The following IFT88 variants were observed in gnomAD, a reference collection of about 807,000 sequenced individuals.
IFT88 encodes the protein intraflagellar transport protein 88 homolog.
Under a neutral mutation model 119.5 loss-of-function variants are expected in IFT88, and 74 were observed. The ratio of observed to expected loss-of-function variants is 0.62; its 90% CI spans 0.51 to 0.75. The LOEUF (loss-of-function observed/expected upper bound fraction) is 0.75, where lower values mean the gene tolerates loss of function less well. IFT88 is among the 30% of genes least tolerant of loss of function. The probability of loss-of-function intolerance (pLI) is 0.00; values close to 1 mark genes in which losing one functional copy is unlikely to be tolerated. For missense variants in IFT88, 961 were observed against 977.7 expected (o/e 0.98, Z 0.23); for synonymous variants, 279 against 316.7 (o/e 0.88, Z 1.26).
intron 13 of IFT88, among the ~76,000 whole-genome samples, chr13:20,610,960 G>A (rs1204613653): frequency 1.3e-5 from 2 of 151,618 alleles, no homozygotes; most frequent in African/African-American, 4.8e-5. Context: ...GCAACATGGT[G>A]AAGCCCTGGC....
At chr13:20,678,616 A>G (rs2056971195) in intron 24 of IFT88, among the ~76,000 whole-genome samples, 1 of 152,228 alleles carries the variant, frequency 6.6e-6, no homozygotes, top group Admixed American at 6.5e-5. Context: ...GCCCTGCTCC[A>G]GTAAACCAAC....
At chr13:20,628,925 T>A (rs1393162285) in intron 15 of IFT88, among the ~76,000 whole-genome samples, 4 of 152,176 alleles carry the variant, frequency 2.6e-5, no homozygotes, top group Non-Finnish European at 5.9e-5. Flanking sequence ...AATTTAAAAA[T>A]TTAACACATT....
At chr13:20,626,509 G>A (rs1334294422) in intron 15 of IFT88, among the ~76,000 whole-genome samples, 6 of 152,210 alleles carry the variant, frequency 3.9e-5, no homozygotes, top group Admixed American at 6.5e-5. Context: ...GTGCTAGGGA[G>A]CATGGGAAGC....
intron 3 of IFT88, among the ~76,000 whole-genome samples, chr13:20,583,308 GTC>G (rs1473809797): frequency 6.6e-6 from 1 of 152,122 alleles, no homozygotes; most frequent in Non-Finnish European, 1.5e-5. Context: ...CATAAGTGGA[GTC>G]TCAGAGTATT....
chr13:20,607,378 C>A, intron 13 of IFT88: 1 of 595,522 alleles, frequency 1.7e-6, no homozygotes. Flanking sequence ...CCATTAAGGC[C>A]ACCATGCCCA....
At chr13:20,613,951 A>ACGGAAAG in intron 13 of IFT88, among the ~76,000 whole-genome samples, 1 of 152,076 alleles carries the variant, frequency 6.6e-6, no homozygotes, top group Non-Finnish European at 1.5e-5. Context: ...ATCTATAAAG[A>ACGGAAAG]TTTGCCAGGG....
chr13:20,649,177 A>G (rs1594623463), intron 20 of IFT88, among the ~76,000 whole-genome samples: 2 of 152,346 alleles, frequency 1.3e-5, no homozygotes, highest in East Asian at 1.9e-4. Context: ...CCTAACAGTC[A>G]TACACAAGAC....
At chr13:20,597,754 A>AAAATAT (rs1446969137) in intron 9 of IFT88, among the ~76,000 whole-genome samples, 15,045 of 141,364 alleles carry the variant, frequency 0.11, 915 homozygotes, top group African/African-American at 0.13. Flanking sequence ...TCAAAAAAAA[A>AAAATAT]ATATATATAT....
intron 7 of IFT88, among the ~76,000 whole-genome samples, chr13:20,592,689 C>T (rs186549698): frequency 4.5e-4 from 68 of 152,144 alleles, no homozygotes; most frequent in African/African-American, 1.5e-3. Context: ...AGGCTGGTCT[C>T]GAACTCCCAA....
Position 20,691,371 on chromosome 13 carries a change from A to G in IFT88, c.*196A>G. 2.2e-6 allele frequency: 1 copy of G among 448,910 alleles called. No individual in the cohort carries two copies. The highest frequency in any genetic ancestry group is 3.9e-6 in the Non-Finnish European group (1 of 257,806). The allele number at this position is 448,910 out of a possible 1,614,324, so 27.8% of individuals were successfully genotyped here. ...TAAAAACAGGTAAAACTAATACTTT[A>G]GGCCAGTGACTTCCTTAGCTTTTTG... On this transcript the variant is annotated 3_prime_UTR_variant, in exon 26 of 26. Coordinates refer to ENST00000351808, the MANE Select transcript of IFT88 (RefSeq NM_006531.5).
chr13:20,667,869 C>T (rs1463092565), intron 23 of IFT88, among the ~76,000 whole-genome samples: 1 of 152,172 alleles, frequency 6.6e-6, no homozygotes, highest in African/African-American at 2.4e-5. Flanking sequence ...GAACAGTGTG[C>T]TTTATCTATA....
At chr13:20,575,556 T>C (rs1277750526) in intron 2 of IFT88, among the ~76,000 whole-genome samples, 1 of 152,144 alleles carries the variant, frequency 6.6e-6, no homozygotes, top group African/African-American at 2.4e-5. Flanking sequence ...GGATTTCTCA[T>C]GAATGGTTTA....
chr13:20,672,391 A>T (rs1310481537), intron 24 of IFT88, among the ~76,000 whole-genome samples: 1 of 152,150 alleles, frequency 6.6e-6, no homozygotes, highest in Non-Finnish European at 1.5e-5. Context: ...CCCAAGCCTC[A>T]AGAGTACCAA....
chr13:20,621,784 T>C (rs917392613), intron 14 of IFT88, among the ~76,000 whole-genome samples: 3 of 152,176 alleles, frequency 2.0e-5, no homozygotes, highest in Admixed American at 1.3e-4. Flanking sequence ...TAGGATTCTT[T>C]GTGTTTTAAT....
chr13:20,605,094 G>A lies in IFT88; in HGVS notation c.1101G>A (p.Met367Ile). Residue 367 changes from methionine (M) to isoleucine (I), a missense_variant, in exon 13 of 26, where the codon ATG becomes ATA. Coordinates refer to ENST00000351808, the MANE Select transcript of IFT88 (RefSeq NM_006531.5). ...EAIKNDHLRQ[M>I]ERERKAMAEK... Reference sequence around the variant, plus strand: ...TAAAAAATGATCACCTCAGGCAAATGGAACGTGAAAGGTAATATTTTAAAC... The same window carrying A: ...TAAAAAATGATCACCTCAGGCAAATAGAACGTGAAAGGTAATATTTTAAAC... 8 of 1,439,740 alleles carry A rather than the reference G, an allele frequency of 5.6e-6. No individual in the cohort carries two copies. Among genetic ancestry groups the A allele is most frequent in the Non-Finnish European group, 7.8e-6 (8 of 1,030,876 alleles). The allele number at this position is 1,439,740 out of a possible 1,614,324, so 89.2% of individuals were successfully genotyped here. A position where few individuals can be genotyped will look rare whatever the true frequency, so the allele number is the denominator to read the frequency against.
chr13:20,654,139 A>G (rs544836099), intron 21 of IFT88, among the ~76,000 whole-genome samples: 50 of 152,356 alleles, frequency 3.3e-4, no homozygotes, highest in African/African-American at 1.0e-3. Context: ...ATGTATTCCA[A>G]TACTTGTCTT....
At chr13:20,624,836 A>C (rs1235193693) in intron 14 of IFT88, among the ~76,000 whole-genome samples, 1 of 152,214 alleles carries the variant, frequency 6.6e-6, no homozygotes, top group Non-Finnish European at 1.5e-5. Context: ...GTTTTGATAC[A>C]TGTACACATT....
intron 13 of IFT88, among the ~76,000 whole-genome samples, chr13:20,606,024 C>CATG (rs1555267473): frequency 4.7e-5 from 1 of 21,228 alleles, no homozygotes; most frequent in Non-Finnish European, 1.0e-4. Context: ...ATGATGTAGG[C>CATG]ATGATTTTTA....
chr13:20,674,754 G>C (rs1250791785), intron 24 of IFT88, among the ~76,000 whole-genome samples: 1 of 114,112 alleles, frequency 8.8e-6, no homozygotes, highest in Non-Finnish European at 1.7e-5. Context: ...TTGAGACAGA[G>C]TCTTGCTGGA....
Sources: gnomAD v4.1 joint callset for allele counts (sites outside exome capture counted in the v4.1 genomes callset) on GRCh38, gnomAD v4.1.1 for gene constraint, MANE v1.5 for transcripts, NCBI Gene and HGNC (gene_info 2026-07-23, HGNC 2026-07-21) for gene names.